Variants in SEL1L3 observed in about 807,000 individuals in gnomAD.
SEL1L3 encodes protein sel-1 homolog 3.
A neutral mutation model predicts 142.8 loss-of-function variants in SEL1L3; 76 were observed. That is an observed-to-expected ratio of 0.53 (90% CI 0.44 to 0.64). SEL1L3 has a LOEUF of 0.64. SEL1L3 is among the 30% of genes least tolerant of loss of function. The pLI is 0.00. For synonymous variants in SEL1L3, 504 were observed against 519.6 expected, an observed-to-expected ratio of 0.97 and a Z score of 0.41; for missense variants, 1,262 against 1,381.7, an observed-to-expected ratio of 0.91 and a Z score of 1.37.
chr4:25,751,880 G>T (rs1401783921), intron 23 of SEL1L3, among the ~76,000 whole-genome samples: 1 of 150,834 alleles, frequency 6.6e-6, no homozygotes, highest in Admixed American at 6.6e-5. Context: ...GGAGGCCAAG[G>T]CAGGCAGATC....
intron 23 of SEL1L3, among the ~76,000 whole-genome samples, chr4:25,750,266 A>C (rs1717507789): frequency 6.6e-6 from 1 of 151,722 alleles, no homozygotes; most frequent in Non-Finnish European, 1.5e-5. Flanking sequence ...GAAAGAAAAA[A>C]GAAACCCAGC....
rs750087934 is a variant in SEL1L3 at position 25,782,371 on chromosome 4, G to A, written c.2328C>T (p.Phe776=). The A allele has an allele frequency of 3.3e-5, 54 of 1,613,646 alleles. No individual in the cohort carries two copies. The highest frequency in any genetic ancestry group is 4.5e-5 in the East Asian group (2 of 44,886). Residue 776 remains phenylalanine (F), a synonymous_variant, in exon 15 of 24, where the codon TTC becomes TTT. Coordinates refer to ENST00000399878, the MANE Select transcript of SEL1L3 (RefSeq NM_015187.5). ...VNGLGWYYHK[F]KKNYAKAAKY... Reference sequence around the variant, plus strand: ...TTGCTGCTTTGGCGTAATTTTTCTTGAATTTGTGGTAATACCATCCCAGGC... The same window carrying A: ...TTGCTGCTTTGGCGTAATTTTTCTTAAATTTGTGGTAATACCATCCCAGGC...
chr4:25,772,629 GAAA>G (rs762565201), intron 17 of SEL1L3, among the ~76,000 whole-genome samples: 2 of 146,548 alleles, frequency 1.4e-5, no homozygotes, highest in South Asian at 4.3e-4. Context: ...AAAAAGAAAA[GAAA>G]AAAAGAAGGG....
intron 19 of SEL1L3, among the ~76,000 whole-genome samples, 177 bp downstream of exon 19, chr4:25,767,348 G>A (rs1489027965): frequency 1.3e-5 from 2 of 152,158 alleles, no homozygotes; most frequent in African/African-American, 4.8e-5. Flanking sequence ...TGGGTGAGGA[G>A]TAGTGCATTG....
chr4:25,775,214 T>A (rs980336322), intron 17 of SEL1L3, among the ~76,000 whole-genome samples: 7 of 152,214 alleles, frequency 4.6e-5, no homozygotes, highest in Non-Finnish European at 8.8e-5. Context: ...CTCTTTTTGA[T>A]TGTGCAAAGT....
chr4:25,796,318 G>A (rs1712744408), intron 11 of SEL1L3, among the ~76,000 whole-genome samples: 1 of 152,146 alleles, frequency 6.6e-6, no homozygotes. Context: ...TGAAGGCTGG[G>A]GCGCAGTGGC....
intron 2 of SEL1L3, among the ~76,000 whole-genome samples, chr4:25,837,097 T>C (rs1715879839): frequency 1.3e-5 from 2 of 151,900 alleles, no homozygotes; most frequent in East Asian, 3.9e-4. Context: ...CAATTTGAGC[T>C]CAATTTGGGC....
intron 11 of SEL1L3, among the ~76,000 whole-genome samples, chr4:25,798,010 G>A (rs928780229): frequency 6.6e-6 from 1 of 152,292 alleles, no homozygotes; most frequent in East Asian, 1.9e-4. Flanking sequence ...AGTGGGAGGG[G>A]CATGGAGAAA....
intron 6 of SEL1L3, among the ~76,000 whole-genome samples, chr4:25,822,735 C>T (rs932828851): frequency 6.6e-6 from 1 of 152,128 alleles, no homozygotes; most frequent in African/African-American, 2.4e-5. Flanking sequence ...GTTGGAGGAC[C>T]ACACTGTCCT....
At chr4:25,803,082 A>C (rs1713297345) in intron 10 of SEL1L3, among the ~76,000 whole-genome samples, 1 of 152,182 alleles carries the variant, frequency 6.6e-6, no homozygotes, top group Non-Finnish European at 1.5e-5. Context: ...TTTCAGTGAC[A>C]TCATCGATGG....
chr4:25,848,528 A>G (rs1207166141), intron 1 of SEL1L3, among the ~76,000 whole-genome samples: 2 of 152,214 alleles, frequency 1.3e-5, no homozygotes, highest in African/African-American at 4.8e-5. Flanking sequence ...CTGAATGTTT[A>G]TTTATCTGGT....
At position 25,861,627 on chromosome 4, in the gene SEL1L3, G is replaced by A. The variant is rs1385934149; in HGVS notation, c.162+1048C>T. ...GAAATGAATTCTGGACAATGACACT[G>A]CTCTTTTTTTTTTTTTTTTTGGCAT... On this transcript the variant is annotated intron_variant, in intron 1 of 23. Coordinates refer to ENST00000399878, the MANE Select transcript of SEL1L3 (RefSeq NM_015187.5). Among the ~76,000 whole-genome samples, 3 of 133,242 alleles carry A rather than the reference G, an allele frequency of 2.3e-5. No individual in the cohort carries two copies. The South Asian group carries it at 7.5e-4, about 33-fold the overall frequency. 87.4% of individuals were successfully genotyped at this position (133,242 alleles called of 152,430 possible). A position where few individuals can be genotyped will look rare whatever the true frequency, so the allele number is the denominator to read the frequency against.
At chr4:25,714,255 T>C in the SEL1L3 span, among the ~76,000 whole-genome samples, 1 of 152,146 alleles carries the variant, frequency 6.6e-6, no homozygotes, top group African/African-American at 2.4e-5. Flanking sequence ...TACTCCAAAG[T>C]ACCTTGCGAA....
intron 1 of SEL1L3, among the ~76,000 whole-genome samples, chr4:25,848,865 G>A (rs570479299): frequency 3.3e-5 from 5 of 152,356 alleles, no homozygotes; most frequent in Admixed American, 6.5e-5. Flanking sequence ...CAGACTGGGC[G>A]TGGTGGCTCA....
intron 2 of SEL1L3, among the ~76,000 whole-genome samples, chr4:25,837,351 A>G (rs1715899660): frequency 6.9e-6 from 1 of 145,056 alleles, no homozygotes; most frequent in Non-Finnish European, 1.5e-5. Context: ...ACATTTGTCA[A>G]AACAAATGGG....
intron 1 of SEL1L3, 122 bp from the exon 2 acceptor site, chr4:25,847,986 A>T (rs1346163160): frequency 6.0e-6 from 4 of 661,520 alleles, no homozygotes; most frequent in Non-Finnish European, 7.6e-6. Flanking sequence ...CAATGAATGA[A>T]TGCGGGAGAT....
At chr4:25,821,662 G>C (rs764276572) in intron 7 of SEL1L3, among the ~76,000 whole-genome samples, 1 of 152,206 alleles carries the variant, frequency 6.6e-6, no homozygotes, top group Non-Finnish European at 1.5e-5. Flanking sequence ...TTATATAAAA[G>C]AAGGTTTACC....
At chr4:25,768,505 A>T (rs1452191659) in intron 17 of SEL1L3, among the ~76,000 whole-genome samples, 1 of 152,204 alleles carries the variant, frequency 6.6e-6, no homozygotes, top group East Asian at 1.9e-4. Flanking sequence ...AATTAATTCA[A>T]CGGTTCTGGA....
At chr4:25,723,547 G>C in the SEL1L3 span, among the ~76,000 whole-genome samples, 1 of 152,198 alleles carries the variant, frequency 6.6e-6, no homozygotes, top group Non-Finnish European at 1.5e-5. Context: ...TAAGAATTCA[G>C]TGAAATAGAA....
Sources: gnomAD v4.1 joint callset for allele counts (sites outside exome capture counted in the v4.1 genomes callset) on GRCh38, gnomAD v4.1.1 for gene constraint, MANE v1.5 for transcripts, NCBI Gene and HGNC (gene_info 2026-07-23, HGNC 2026-07-21) for gene names.